NPHP4: variants seen among roughly 807,000 people sequenced by gnomAD.
NPHP4 encodes the protein nephrocystin-4.
A neutral mutation model predicts 155.8 loss-of-function variants in NPHP4; 151 were observed. The observed-to-expected ratio is 0.97, with a 90% CI of 0.85 to 1.11. The LOEUF is 1.11. NPHP4 is among the 50% of genes least tolerant of loss of function. The pLI is 0.00. For missense variants in NPHP4, 1,956 were observed against 1,925.7 expected (o/e 1.02, Z -0.29); for synonymous variants, 845 against 816.8 (o/e 1.03, Z -0.59).
chr1:5,973,913 C>T (rs4908458), intron 3 of NPHP4, among the ~76,000 whole-genome samples: 12,217 of 152,234 alleles, frequency 0.08, 532 homozygotes, highest in Middle Eastern at 0.13. Flanking sequence ...CGCTGGGACA[C>T]GAAGCCAGCT....
intron 16 of NPHP4, among the ~76,000 whole-genome samples, chr1:5,895,632 T>C (rs892690129): frequency 2.6e-5 from 4 of 152,208 alleles, no homozygotes; most frequent in Non-Finnish European, 5.9e-5. Context: ...CCCCACGGAT[T>C]GCCAGTGGCC....
chr1:5,927,642 C>T lies in NPHP4; in HGVS notation c.1441+7G>A, dbSNP rs1329696290. 1 of 1,600,988 alleles carries T rather than the reference C, an allele frequency of 6.2e-7. No individual in the cohort carries two copies. Among genetic ancestry groups the T allele is most frequent in the Admixed American group, 1.7e-5 (1 of 59,628 alleles). On this transcript the variant is annotated splice_region_variant and intron_variant, in intron 11 of 29. Transcript: ENST00000378156. The stretch of plus-strand genomic sequence containing the variant: ...GCCTGGCCAGTCAGCTCTCTGGAAA[C>T]ACTTACTCGAAGGGGACGTGGGTGG...
chr1:5,883,274 G>A (rs553782479), intron 18 of NPHP4, among the ~76,000 whole-genome samples: 4 of 152,020 alleles, frequency 2.6e-5, no homozygotes, highest in East Asian at 3.9e-4. Context: ...TCCGGGCCAC[G>A]CTGCCCTCCA....
At chr1:5,947,729 T>A (rs1327971677) in intron 8 of NPHP4, among the ~76,000 whole-genome samples, 1 of 152,166 alleles carries the variant, frequency 6.6e-6, no homozygotes, top group African/African-American at 2.4e-5. Flanking sequence ...GAGCAGCAGG[T>A]CTTGCTGCCC....
intron 2 of NPHP4, among the ~76,000 whole-genome samples, chr1:5,980,054 G>A (rs190244885): frequency 2.0e-5 from 3 of 152,094 alleles, no homozygotes; most frequent in East Asian, 1.9e-4. Context: ...CAGACACCTC[G>A]GGCCATCCCT....
intron 16 of NPHP4, among the ~76,000 whole-genome samples, chr1:5,895,648 C>T (rs558558703): frequency 7.9e-5 from 12 of 152,326 alleles, no homozygotes; most frequent in Non-Finnish European, 1.5e-4. Context: ...TGGCCCCGGG[C>T]AGCGGCACCC....
rs199731297 is a variant in NPHP4 at position 5,883,061 on chromosome 1, ACTCT to A, written c.2486-2826_2486-2823del. Among the ~76,000 whole-genome samples, 1,473 of 151,968 alleles carry A rather than the reference ACTCT, an allele frequency of 9.7e-3. 38 individuals carry two copies. Among genetic ancestry groups the A allele is most frequent in the Admixed American group, 0.051 (777 of 15,272 alleles). ...CAGGCTTCTTATCAACGCTTTCATC[ACTCT>A]CTCCACCACGGCGCCAGGTTCAAGG... On this transcript the variant is annotated intron_variant, in intron 18 of 29. Coordinates refer to ENST00000378156, the MANE Select transcript of NPHP4 (RefSeq NM_015102.5).
At chr1:5,919,736 GTTTT>G (rs1356470160) in intron 11 of NPHP4, among the ~76,000 whole-genome samples, 1 of 151,338 alleles carries the variant, frequency 6.6e-6, no homozygotes, top group Non-Finnish European at 1.5e-5. Flanking sequence ...TTGTTTGTGG[GTTTT>G]TTTTGTTTTT....
chr1:5,964,941 A>ATATATATTTTTTTT lies in NPHP4; in HGVS notation c.517+2357_517+2358insAAAAAAAATATATA. 7.9e-4 allele frequency among the ~76,000 whole-genome samples: 47 copies of ATATATATTTTTTTT among 59,400 alleles called. 2 individuals carry two copies. Among genetic ancestry groups the ATATATATTTTTTTT allele is most frequent in the Non-Finnish European group, 1.0e-3 (35 of 34,970 alleles). 39.0% of individuals were successfully genotyped at this position (59,400 alleles called of 152,430 possible). ...ATTATATATATATATATATATATAT[A>ATATATATTTTTTTT]TTTTTTTTTTTTGAGGCAGGGTCTC... On this transcript the variant is annotated intron_variant, in intron 5 of 29. Transcript: ENST00000378156.
At chr1:5,911,848 A>G (rs1323916610) in intron 11 of NPHP4, among the ~76,000 whole-genome samples, 1 of 152,228 alleles carries the variant, frequency 6.6e-6, no homozygotes, top group African/African-American at 2.4e-5. Flanking sequence ...AACTATACTC[A>G]TAGTCCTGCC....
At chr1:5,933,570 T>C (rs1646388510) in intron 9 of NPHP4, among the ~76,000 whole-genome samples, 1 of 152,190 alleles carries the variant, frequency 6.6e-6, no homozygotes, top group Non-Finnish European at 1.5e-5. Flanking sequence ...TCAGGACCCC[T>C]GCCCACCCAT....
chr1:5,879,686 C>T, intron 19 of NPHP4: 4 of 496,578 alleles, frequency 8.1e-6, no homozygotes, highest in Admixed American at 6.3e-5. Flanking sequence ...TGTGGGTCCA[C>T]AGGGGCATCT....
At chr1:5,864,710 C>CCT (rs1377964436) in intron 27 of NPHP4, 193 bp from the exon 28 acceptor site, 2 of 552,898 alleles carry the variant, frequency 3.6e-6, no homozygotes, top group Non-Finnish European at 6.4e-6. Flanking sequence ...GCAAGTCCCT[C>CCT]CTCTCACACG....
chr1:5,977,466 T>C (rs759009637), intron 3 of NPHP4, among the ~76,000 whole-genome samples: 2 of 152,004 alleles, frequency 1.3e-5, no homozygotes, highest in African/African-American at 4.8e-5. Flanking sequence ...GTTCTCCTAT[T>C]GGTCTCCACG....
chr1:5,873,148 G>T, intron 23 of NPHP4, 104 bp downstream of exon 23: 1 of 1,022,322 alleles, frequency 9.8e-7, no homozygotes. Flanking sequence ...GCCCTGACCT[G>T]GCCCCAGCCC....
At chr1:5,873,830 T>C in intron 22 of NPHP4, 1 of 248,454 alleles carries the variant, frequency 4.0e-6, no homozygotes, top group Non-Finnish European at 7.9e-6. Context: ...ACACCTCACA[T>C]ACTCCCTGCA....
At chr1:5,966,140 G>T (rs1557853497) in intron 5 of NPHP4, among the ~76,000 whole-genome samples, 1 of 152,164 alleles carries the variant, frequency 6.6e-6, no homozygotes, top group South Asian at 2.1e-4. Context: ...TATGAGAAAT[G>T]AATCTCTCCT....
Position 5,866,452 on chromosome 1 carries a change from CG to C in NPHP4, c.3564del (p.Glu1190AsnfsTer7). 6.3e-7 allele frequency: 1 copy of C among 1,587,678 alleles called. No homozygotes were observed. Among genetic ancestry groups the C allele is most frequent in the Admixed American group, 1.7e-5 (1 of 57,680 alleles). Reference protein sequence around the residue: ...NVICETQNVGPGEPRDIFLKV... With the variant: ...NVICETQNVGXGEPRDIFLKV... ...TTCAGAAATATGTCCCGTGGTTCCCCGGGGCCCTGCCAACCAGATGTGCAGC... is the reference window on the plus strand; with the variant it reads ...TTCAGAAATATGTCCCGTGGTTCCCCGGGCCCTGCCAACCAGATGTGCAGC... On this transcript the variant is annotated frameshift_variant, in exon 26 of 30. Coordinates refer to ENST00000378156, the MANE Select transcript of NPHP4 (RefSeq NM_015102.5). LOFTEE classifies it high-confidence loss of function.
chr1:5,907,334 C>T (rs775861235), intron 12 of NPHP4, 112 bp from the exon 13 acceptor site: 6 of 601,424 alleles, frequency 1.0e-5, no homozygotes, highest in Admixed American at 3.4e-5. Flanking sequence ...GATCCAGCCA[C>T]GGAAGGGAGT....
Sources: gnomAD v4.1 joint callset for allele counts (sites outside exome capture counted in the v4.1 genomes callset) on GRCh38, gnomAD v4.1.1 for gene constraint, MANE v1.5 for transcripts, NCBI Gene and HGNC (gene_info 2026-07-23, HGNC 2026-07-21) for gene names.